Variants in SUGCT observed in about 807,000 individuals in gnomAD.
The protein encoded by SUGCT is succinyl-CoA:glutarate CoA-transferase.
A neutral mutation model predicts 55.0 loss-of-function variants in SUGCT; 41 were observed. That is an observed-to-expected ratio of 0.74 (90% CI 0.58 to 0.97). The LOEUF is 0.97. SUGCT is among the 50% of genes least tolerant of loss of function. The pLI is 0.00. For synonymous variants in SUGCT, 187 were observed against 200.4 expected, an observed-to-expected ratio of 0.93 and a Z score of 0.56; for missense variants, 568 against 547.8, an observed-to-expected ratio of 1.04 and a Z score of -0.37.
In SUGCT at chr7:40,335,175, G is replaced by C. The variant is rs1371440729; in HGVS notation, c.816+18320G>C. 8.5e-5 allele frequency among the ~76,000 whole-genome samples: 13 copies of C among 152,190 alleles called. No individual in the cohort carries two copies. In the East Asian group the frequency reaches 2.5e-3, roughly 29 times the overall value. On this transcript the variant is annotated intron_variant, in intron 9 of 13. Transcript: ENST00000335693. Reference sequence around the variant, plus strand: ...CTGTAGCCTTGTAGTATAGTTTGAAGTCAGGTAGCATGATGCCTCTAGCTT... The same window carrying C: ...CTGTAGCCTTGTAGTATAGTTTGAACTCAGGTAGCATGATGCCTCTAGCTT...
chr7:40,249,366 T>C (rs1159647369), intron 7 of SUGCT, among the ~76,000 whole-genome samples: 1 of 139,120 alleles, frequency 7.2e-6, no homozygotes, highest in African/African-American at 2.7e-5. Context: ...ATATAGAATA[T>C]ATTATATACA....
chr7:40,331,508 A>G (rs1267664069), intron 9 of SUGCT, among the ~76,000 whole-genome samples: 1 of 152,164 alleles, frequency 6.6e-6, no homozygotes, highest in Non-Finnish European at 1.5e-5. Flanking sequence ...GTGCATTTAA[A>G]ATATGTGGCA....
intron 13 of SUGCT, among the ~76,000 whole-genome samples, chr7:40,801,954 C>T (rs1790840429): frequency 6.6e-6 from 1 of 151,790 alleles, no homozygotes; most frequent in Admixed American, 6.6e-5. Context: ...CTTACATTCT[C>T]TTCTAGCAAA....
chr7:40,570,333 G>A (rs1259106377), intron 12 of SUGCT, among the ~76,000 whole-genome samples: 1 of 152,168 alleles, frequency 6.6e-6, no homozygotes, highest in East Asian at 1.9e-4. Context: ...TGTATAAAGG[G>A]AGTCTTAAAG....
chr7:40,357,453 G>A (rs1291540336), intron 9 of SUGCT, among the ~76,000 whole-genome samples: 4 of 152,146 alleles, frequency 2.6e-5, no homozygotes, highest in African/African-American at 7.2e-5. Flanking sequence ...TACCACATGC[G>A]TGACACTGTC....
chr7:40,972,873 T>C, the SUGCT span, among the ~76,000 whole-genome samples: 1 of 152,206 alleles, frequency 6.6e-6, no homozygotes, highest in African/African-American at 2.4e-5. Context: ...ACTTTCTAAT[T>C]GTAATGTAAT....
rs952443901 is a variant in SUGCT at position 40,417,315 on chromosome 7, C to A, written c.817-31972C>A. Among the ~76,000 whole-genome samples, 11 of 151,704 alleles carry A rather than the reference C, an allele frequency of 7.3e-5. 1 individual carries two copies. Among genetic ancestry groups the A allele is most frequent in the Admixed American group, 5.2e-4 (8 of 15,260 alleles). ...GTTTACTTGGTTCCATTCAGTTTTT[C>A]TTTTTTAGTAATGATTTTTCAGGGC... is the stretch of plus-strand genomic sequence containing the variant. On this transcript the variant is annotated intron_variant, in intron 9 of 13. Coordinates refer to ENST00000335693, the MANE Select transcript of SUGCT (RefSeq NM_001193313.2).
At chr7:40,578,116 AAC>A (rs1187118966) in intron 12 of SUGCT, among the ~76,000 whole-genome samples, 4 of 152,182 alleles carry the variant, frequency 2.6e-5, no homozygotes, top group Non-Finnish European at 5.9e-5. Flanking sequence ...GGGCTGTAAT[AAC>A]ACAGATTGCG....
chr7:41,003,240 G>T, the SUGCT span, among the ~76,000 whole-genome samples: 1 of 152,096 alleles, frequency 6.6e-6, no homozygotes, highest in Non-Finnish European at 1.5e-5. Context: ...CCACTAGGTG[G>T]CGCCACCAAA....
intron 12 of SUGCT, among the ~76,000 whole-genome samples, chr7:40,727,468 GT>G (rs950333891): frequency 7.9e-5 from 12 of 152,214 alleles, no homozygotes; most frequent in South Asian, 2.1e-4. Context: ...GGCCCTGATA[GT>G]TTTTTTATGA....
At chr7:40,256,203 A>G (rs991076337) in intron 7 of SUGCT, among the ~76,000 whole-genome samples, 4 of 152,210 alleles carry the variant, frequency 2.6e-5, no homozygotes, top group African/African-American at 9.6e-5. Context: ...ATTTATATTT[A>G]GAATTTCTTT....
chr7:40,661,890 C>G (rs1280987300), intron 12 of SUGCT, among the ~76,000 whole-genome samples: 1 of 152,146 alleles, frequency 6.6e-6, no homozygotes, highest in Non-Finnish European at 1.5e-5. Flanking sequence ...TGACCTCATC[C>G]AGTTTGAGTT....
At chr7:40,534,408 G>A (rs1256310304) in intron 12 of SUGCT, among the ~76,000 whole-genome samples, 2 of 150,942 alleles carry the variant, frequency 1.3e-5, no homozygotes, top group East Asian at 1.9e-4. Context: ...TTTTTGAGAC[G>A]GAGTCTCACT....
At chr7:40,193,441 C>G (rs1283042456) in intron 5 of SUGCT, among the ~76,000 whole-genome samples, 1 of 151,686 alleles carries the variant, frequency 6.6e-6, no homozygotes, top group Non-Finnish European at 1.5e-5. Flanking sequence ...CGTGCCACCA[C>G]GTCCAGCTAA....
At chr7:40,428,919 T>A (rs1258011144) in intron 9 of SUGCT, among the ~76,000 whole-genome samples, 4 of 152,218 alleles carry the variant, frequency 2.6e-5, no homozygotes, top group Non-Finnish European at 4.4e-5. Flanking sequence ...GGATACCTCT[T>A]GTAACGCAGG....
At chr7:40,697,545 G>A (rs544704888) in intron 12 of SUGCT, among the ~76,000 whole-genome samples, 6 of 152,172 alleles carry the variant, frequency 3.9e-5, no homozygotes, top group Non-Finnish European at 8.8e-5. Context: ...GGCTGAGGCA[G>A]GAGACTCACT....
chr7:40,861,052 C>G (rs1794474997), downstream of SUGCT, among the ~76,000 whole-genome samples: 1 of 152,178 alleles, frequency 6.6e-6, no homozygotes, highest in African/African-American at 2.4e-5. Context: ...CATTATAAAA[C>G]TGAGCTCCAT....
chr7:40,434,782 C>T (rs1353229262), intron 9 of SUGCT, among the ~76,000 whole-genome samples: 1 of 152,166 alleles, frequency 6.6e-6, no homozygotes, highest in Non-Finnish European at 1.5e-5. Flanking sequence ...AAGGTCCTGC[C>T]AGGTGCTTGT....
chr7:40,988,991 ATT>A, the SUGCT span, among the ~76,000 whole-genome samples: 1 of 148,540 alleles, frequency 6.7e-6, no homozygotes, highest in African/African-American at 2.5e-5. Context: ...AGTCACATGC[ATT>A]TTTTTTTTCA....
Sources: allele counts gnomAD v4.1 joint callset (sites outside exome capture counted in the v4.1 genomes callset), GRCh38; gene constraint gnomAD v4.1.1; transcripts MANE v1.5; gene names NCBI Gene and HGNC (gene_info 2026-07-23, HGNC 2026-07-21).